Variants in CCSER1 observed in about 807,000 individuals in gnomAD.
The protein encoded by CCSER1 is serine-rich coiled-coil domain-containing protein 1.
CCSER1 carries 41 observed loss-of-function variants against 82.0 expected under a neutral mutation model. The observed-to-expected ratio is 0.50, with a 90% CI of 0.39 to 0.65. The LOEUF (loss-of-function observed/expected upper bound fraction) is 0.65, where lower values mean the gene tolerates loss of function less well. Among genes scored for constraint, CCSER1 ranks in the 30% least tolerant of loss-of-function variants. The pLI is 0.00. For missense variants in CCSER1, 1,119 were observed against 1,064.2 expected (o/e 1.05, Z -0.72); for synonymous variants, 414 against 383.9 (o/e 1.08, Z -0.92).
intron 1 of CCSER1, among the ~76,000 whole-genome samples, chr4:90,225,914 G>A (rs1238257596): frequency 6.6e-6 from 1 of 152,176 alleles, no homozygotes; most frequent in Non-Finnish European, 1.5e-5. Context: ...AGATAAACTT[G>A]TGACTTGCTT....
At chr4:91,523,151 G>T (rs192752408) in intron 10 of CCSER1, among the ~76,000 whole-genome samples, 5,347 of 152,212 alleles carry the variant, frequency 0.035, 192 homozygotes, top group South Asian at 0.16. Context: ...TTGTCGTTTA[G>T]TTCTGTTTAT....
chr4:91,202,356 C>T (rs577699270), intron 10 of CCSER1, among the ~76,000 whole-genome samples: 1 of 151,984 alleles, frequency 6.6e-6, no homozygotes, highest in Non-Finnish European at 1.5e-5. Context: ...TTCCACCTCC[C>T]TCTTTTAGTC....
In CCSER1 at chr4:90,308,704, GCA is replaced by G. The variant is rs773306287; in HGVS notation, c.422_423del (p.His141LeufsTer3). ...CAGAGGATTTTGAAAGGGAAAAAGA[GCA>G]CTCAACTAACAAGAATGTCTTTATA... The part of the protein sequence containing the change: ...LTEDFEREKE[H>X]STNKNVFINC... On this transcript the variant is annotated frameshift_variant, in exon 2 of 11. Transcript: ENST00000509176. LOFTEE classifies it high-confidence loss of function. 13 of 1,613,364 alleles carry G rather than the reference GCA, an allele frequency of 8.1e-6. No homozygotes were observed. Among genetic ancestry groups the G allele is most frequent in the African/African-American group, 1.3e-5 (1 of 74,918 alleles).
intron 8 of CCSER1, among the ~76,000 whole-genome samples, chr4:90,897,666 G>T (rs1723922102): frequency 6.6e-6 from 1 of 151,984 alleles, no homozygotes; most frequent in Non-Finnish European, 1.5e-5. Context: ...GGGGTTGAAA[G>T]GTAGTTCTAT....
intron 10 of CCSER1, among the ~76,000 whole-genome samples, chr4:91,337,672 A>G (rs898030352): frequency 5.3e-5 from 8 of 152,120 alleles, no homozygotes; most frequent in Non-Finnish European, 7.4e-5. Context: ...GAACATGGAT[A>G]AAACATTCTC....
intron 9 of CCSER1, among the ~76,000 whole-genome samples, chr4:91,060,537 C>T (rs1343061017): frequency 6.6e-6 from 1 of 152,000 alleles, no homozygotes; most frequent in Non-Finnish European, 1.5e-5. Context: ...GAAGCAAGTT[C>T]TTTCAAAATG....
chr4:90,369,111 TA>T (rs1247721121), intron 3 of CCSER1, among the ~76,000 whole-genome samples: 1 of 151,790 alleles, frequency 6.6e-6, no homozygotes, highest in African/African-American at 2.4e-5. Flanking sequence ...AAAAGCTATT[TA>T]GTAAAACCAC....
chr4:90,407,931 T>C (rs147664475), intron 4 of CCSER1, among the ~76,000 whole-genome samples: 1,546 of 152,296 alleles, frequency 0.01, 17 homozygotes, highest in South Asian at 0.03. Context: ...GGGTCACTCC[T>C]ACCCTAATAC....
chr4:91,264,466 CAG>C (rs1384448441), intron 10 of CCSER1, among the ~76,000 whole-genome samples: 1 of 151,726 alleles, frequency 6.6e-6, no homozygotes, highest in Non-Finnish European at 1.5e-5. Flanking sequence ...TTTAATAAAA[CAG>C]AGAATTTTTG....
intron 8 of CCSER1, among the ~76,000 whole-genome samples, chr4:90,881,281 A>G (rs938664810): frequency 6.6e-6 from 1 of 151,996 alleles, no homozygotes; most frequent in African/African-American, 2.4e-5. Context: ...CACATGCAGG[A>G]GAGGAGAGAG....
rs56226230 is a variant in CCSER1, at chr4:91,190,407, C to G, written c.2217+104413C>G. On this transcript the variant is annotated intron_variant, in intron 10 of 10. Coordinates refer to ENST00000509176, the MANE Select transcript of CCSER1 (RefSeq NM_001145065.2). ...CCTCTTCCCATGTGGCAAAAGCTTA[C>G]TTATCTTCTTATATATCATATCCTC... Among the ~76,000 whole-genome samples, 383 of 152,266 alleles carry G rather than the reference C, an allele frequency of 2.5e-3. 2 individuals are homozygous for G. The highest frequency in any genetic ancestry group is 8.8e-3 in the African/African-American group (367 of 41,582).
At chr4:91,409,218 G>C (rs940067806) in intron 10 of CCSER1, among the ~76,000 whole-genome samples, 2 of 152,124 alleles carry the variant, frequency 1.3e-5, no homozygotes, top group African/African-American at 4.8e-5. Context: ...TTTGCATTAG[G>C]AACAATTAAA....
intron 1 of CCSER1, among the ~76,000 whole-genome samples, chr4:90,260,244 G>A (rs1320307954): frequency 6.6e-6 from 1 of 152,076 alleles, no homozygotes; most frequent in Non-Finnish European, 1.5e-5. Context: ...TTTCTAGTTT[G>A]TGCATGTAAA....
At chr4:91,061,393 A>T (rs949764557) in intron 9 of CCSER1, among the ~76,000 whole-genome samples, 1 of 151,972 alleles carries the variant, frequency 6.6e-6, no homozygotes, top group Non-Finnish European at 1.5e-5. Context: ...CTTTGGGTCC[A>T]CTTCCCTAAG....
Position 91,183,427 on chromosome 4 carries a change from A to C in CCSER1, c.2217+97433A>C, listed in dbSNP as rs1237082501. Among the ~76,000 whole-genome samples, 4 of 152,348 alleles carry C rather than the reference A, an allele frequency of 2.6e-5. No individual in the cohort carries two copies. In the East Asian group the frequency reaches 7.7e-4, roughly 29 times the overall value. On this transcript the variant is annotated intron_variant, in intron 10 of 10. Transcript: ENST00000509176. ...CAATTGGTTTAAATTTAGTTATTTTAGGGAGAATCCAATTAGTTAATTTCA... is the reference window on the plus strand; with the variant it reads ...CAATTGGTTTAAATTTAGTTATTTTCGGGAGAATCCAATTAGTTAATTTCA...
intron 10 of CCSER1, among the ~76,000 whole-genome samples, chr4:91,445,800 A>G (rs547280432): frequency 1.3e-5 from 2 of 152,196 alleles, no homozygotes; most frequent in East Asian, 3.9e-4. Context: ...GGAGAAGAAT[A>G]AAGCACAGTG....
At chr4:91,176,470 T>C (rs1433787323) in intron 10 of CCSER1, among the ~76,000 whole-genome samples, 2 of 152,028 alleles carry the variant, frequency 1.3e-5, no homozygotes, top group Admixed American at 1.3e-4. Context: ...GTAACATTCT[T>C]CCATTTGTTT....
chr4:90,264,009 A>G (rs1724809081), intron 1 of CCSER1, among the ~76,000 whole-genome samples: 1 of 152,150 alleles, frequency 6.6e-6, no homozygotes, highest in Admixed American at 6.5e-5. Flanking sequence ...AGCATTTTTT[A>G]GGCATAAAGC....
chr4:91,401,213 A>G lies in CCSER1; in HGVS notation c.2218-197359A>G, dbSNP rs1341698388. On this transcript the variant is annotated intron_variant, in intron 10 of 10. Coordinates refer to ENST00000509176, the MANE Select transcript of CCSER1 (RefSeq NM_001145065.2). ...AAATAACTAATAATATAAAATATCT[A>G]ATGCAGTTTAATATGGTGAATTATA... 2.0e-5 allele frequency among the ~76,000 whole-genome samples: 3 copies of G among 150,574 alleles called. No homozygotes were observed. The South Asian group carries it at 6.2e-4, about 31-fold the overall frequency.
Sources: gnomAD v4.1 joint callset for allele counts (sites outside exome capture counted in the v4.1 genomes callset) on GRCh38, gnomAD v4.1.1 for gene constraint, MANE v1.5 for transcripts, NCBI Gene and HGNC (gene_info 2026-07-23, HGNC 2026-07-21) for gene names.